The following EFNA5 variants were observed in gnomAD, a reference collection of about 807,000 sequenced individuals.
EFNA5 encodes ephrin-A5.
A neutral mutation model predicts 22.9 loss-of-function variants in EFNA5; 5 were observed. The observed-to-expected ratio is 0.22, with a 90% CI of 0.11 to 0.46. The LOEUF is 0.46. EFNA5 is among the 20% of genes least tolerant of loss of function. The pLI, the probability that EFNA5 is intolerant of heterozygous loss-of-function variation, is 0.99. For synonymous variants in EFNA5, 113 were observed against 112.2 expected (o/e 1.01, Z -0.04); for missense variants, 237 against 293.3 (o/e 0.81, Z 1.40).
chr5:107,661,475 T>C (rs774667024), intron 1 of EFNA5, among the ~76,000 whole-genome samples: 3 of 152,228 alleles, frequency 2.0e-5, no homozygotes, highest in Non-Finnish European at 1.5e-5. Flanking sequence ...CCTGCTACGA[T>C]GGTGGCTCAG....
intron 1 of EFNA5, among the ~76,000 whole-genome samples, chr5:107,495,326 G>T (rs1452965919): frequency 6.6e-6 from 1 of 152,042 alleles, no homozygotes; most frequent in Non-Finnish European, 1.5e-5. Flanking sequence ...CACTCACCTC[G>T]AAGGTCTGCA....
At chr5:107,610,096 C>T (rs1218779624) in intron 1 of EFNA5, among the ~76,000 whole-genome samples, 1 of 152,192 alleles carries the variant, frequency 6.6e-6, no homozygotes, top group Non-Finnish European at 1.5e-5. Flanking sequence ...TCTATTATTT[C>T]CGTCCTTAAA....
intron 1 of EFNA5, among the ~76,000 whole-genome samples, chr5:107,591,139 G>A (rs767014518): frequency 6.6e-6 from 1 of 152,156 alleles, no homozygotes; most frequent in Non-Finnish European, 1.5e-5. Context: ...CTGGGAGGCA[G>A]GGGAGCTACA....
chr5:107,667,776 T>C (rs1020938838), intron 1 of EFNA5, among the ~76,000 whole-genome samples: 8 of 152,120 alleles, frequency 5.3e-5, no homozygotes, highest in African/African-American at 1.4e-4. Context: ...AACAGATAGG[T>C]TCTATATAAA....
intron 2 of EFNA5, among the ~76,000 whole-genome samples, chr5:107,411,826 C>T (rs1474474923): frequency 1.3e-5 from 2 of 152,174 alleles, no homozygotes; most frequent in Non-Finnish European, 2.9e-5. Context: ...CCTGCCTTGG[C>T]TTCCTAAAGC....
At chr5:107,394,064 AAAAGCATTTTCATAC>A (rs1378076576) in intron 2 of EFNA5, among the ~76,000 whole-genome samples, 20 of 152,346 alleles carry the variant, frequency 1.3e-4, no homozygotes, top group South Asian at 1.0e-3. Context: ...CCCCTTTTTT[AAAAGCATTTTCATAC>A]AAAGCATTTT....
chr5:107,569,559 T>TTATATTTATATATA (rs1554067019), intron 1 of EFNA5, among the ~76,000 whole-genome samples: 2 of 42,530 alleles, frequency 4.7e-5, no homozygotes, highest in Admixed American at 2.6e-4. Context: ...ATATATATAT[T>TTATATTTATATATA]TATATATATA....
chr5:107,490,550 G>A (rs1746776139), intron 1 of EFNA5, among the ~76,000 whole-genome samples: 1 of 152,196 alleles, frequency 6.6e-6, no homozygotes, highest in African/African-American at 2.4e-5. Context: ...TTAAGATGCA[G>A]GCCTGCCAGC....
intron 1 of EFNA5, among the ~76,000 whole-genome samples, chr5:107,591,377 T>C (rs1449050049): frequency 1.3e-5 from 2 of 152,136 alleles, no homozygotes; most frequent in African/African-American, 4.8e-5. Flanking sequence ...AGGTGGGAGC[T>C]GTACTCTCCA....
intron 1 of EFNA5, among the ~76,000 whole-genome samples, chr5:107,517,716 T>C (rs539276185): frequency 1.3e-5 from 2 of 152,300 alleles, no homozygotes; most frequent in East Asian, 1.9e-4. Flanking sequence ...TATTATGCAA[T>C]GTATGTGATA....
chr5:107,598,240 C>G (rs1749514369), intron 1 of EFNA5, among the ~76,000 whole-genome samples: 1 of 152,128 alleles, frequency 6.6e-6, no homozygotes, highest in Admixed American at 6.6e-5. Flanking sequence ...TCACATTTTA[C>G]AGATCAGGAA....
chr5:107,670,642 CGCGCCACTCCGGG>C lies in EFNA5; in HGVS notation c.-42_-30del, dbSNP rs1751174358. On this transcript the variant is annotated 5_prime_UTR_variant, in exon 1 of 5. Transcript: ENST00000333274. ...GCCTGGCCAGCGGCGGAGCCCCCGA[CGCGCCACTCCGGG>C]GAGAGAGCGGGGATCCGGAGGGAGG... The C allele has an allele frequency of 6.3e-7, 1 of 1,593,586 alleles. No homozygotes were observed. Among genetic ancestry groups the C allele is most frequent in the African/African-American group, 1.4e-5 (1 of 74,050 alleles).
intron 1 of EFNA5, among the ~76,000 whole-genome samples, chr5:107,482,130 G>A (rs1042696962): frequency 6.6e-6 from 1 of 151,836 alleles, no homozygotes; most frequent in Admixed American, 6.6e-5. Context: ...GGCAACATAG[G>A]GAAACCCTTA....
intron 1 of EFNA5, among the ~76,000 whole-genome samples, chr5:107,578,742 G>C (rs1443351006): frequency 6.6e-6 from 1 of 152,058 alleles, no homozygotes; most frequent in Non-Finnish European, 1.5e-5. Context: ...TTGCCAAGCA[G>C]AATTCTTTTT....
chr5:107,622,938 G>A (rs865926469), intron 1 of EFNA5, among the ~76,000 whole-genome samples: 42 of 146,040 alleles, frequency 2.9e-4, no homozygotes, highest in South Asian at 2.7e-3. Context: ...GGAGAATGGC[G>A]TGAACCCGGG....
rs1748523967 is a variant in EFNA5 at position 107,417,117 on chromosome 5, C to T, written c.418+10100G>A. ...TTCTTCTTAAAAATGATTCAGAGCACATGTTATTTGTTTTTATGGGTTTAC... is the reference window on the plus strand; with the variant it reads ...TTCTTCTTAAAAATGATTCAGAGCATATGTTATTTGTTTTTATGGGTTTAC... On this transcript the variant is annotated intron_variant, in intron 2 of 4. Transcript: ENST00000333274. 2.0e-5 allele frequency among the ~76,000 whole-genome samples: 3 copies of T among 152,174 alleles called. No individual in the cohort carries two copies. The South Asian group carries it at 6.2e-4, about 32-fold the overall frequency.
chr5:107,433,459 T>C (rs954309525), intron 1 of EFNA5, among the ~76,000 whole-genome samples: 2 of 152,218 alleles, frequency 1.3e-5, no homozygotes, highest in East Asian at 1.9e-4. Context: ...TCTAGGGCTA[T>C]TGACAGCAAA....
At chr5:107,579,769 G>C (rs544837680) in intron 1 of EFNA5, among the ~76,000 whole-genome samples, 1 of 152,270 alleles carries the variant, frequency 6.6e-6, no homozygotes, top group South Asian at 2.1e-4. Context: ...TTCACTTCCA[G>C]CAGAACTTCA....
Position 107,670,623 on chromosome 5 carries a change from C to A in EFNA5, c.-10G>T. The A allele has an allele frequency of 1.9e-6, 3 of 1,599,572 alleles. No individual in the cohort carries two copies. Among genetic ancestry groups the A allele is most frequent in the South Asian group, 2.3e-5 (2 of 88,064 alleles). On this transcript the variant is annotated 5_prime_UTR_variant, in exon 1 of 5. Coordinates refer to ENST00000333274, the MANE Select transcript of EFNA5 (RefSeq NM_001962.3). ...TCTCCACGTGCAACATCACGCCTGG[C>A]CAGCGGCGGAGCCCCCGACGCGCCA...
Sources: gnomAD v4.1 joint callset for allele counts (sites outside exome capture counted in the v4.1 genomes callset) on GRCh38, gnomAD v4.1.1 for gene constraint, MANE v1.5 for transcripts, NCBI Gene and HGNC (gene_info 2026-07-23, HGNC 2026-07-21) for gene names.